TRDN: variants seen among roughly 807,000 people sequenced by gnomAD.
TRDN encodes triadin.
In TRDN, 161 loss-of-function variants were observed where a neutral mutation model predicts 149.7. That is an observed-to-expected ratio of 1.08 (90% CI 0.95 to 1.23). TRDN has a LOEUF of 1.23. Among genes scored for constraint, TRDN ranks in the 50% most tolerant of loss-of-function variants. TRDN has a pLI of 0.00. For synonymous variants in TRDN, 294 were observed against 250.5 expected, an observed-to-expected ratio of 1.17 and a Z score of -1.64; for missense variants, 896 against 823.5, an observed-to-expected ratio of 1.09 and a Z score of -1.08.
intron 38 of TRDN, among the ~76,000 whole-genome samples, chr6:123,236,764 T>C (rs1216783520): frequency 1.3e-5 from 2 of 152,152 alleles, no homozygotes; most frequent in Non-Finnish European, 2.9e-5. Context: ...TGTGGGTCTA[T>C]TTCTTGGATT....
At chr6:123,414,282 C>T (rs1773561513) in intron 12 of TRDN, among the ~76,000 whole-genome samples, 1 of 151,986 alleles carries the variant, frequency 6.6e-6, no homozygotes, top group African/African-American at 2.4e-5. Context: ...ATTCTAGAAA[C>T]CACTGAAATG....
intron 1 of TRDN, among the ~76,000 whole-genome samples, chr6:123,613,568 T>C (rs1000367820): frequency 6.6e-5 from 10 of 152,152 alleles, no homozygotes; most frequent in African/African-American, 9.6e-5. Context: ...CAGTGCCTTG[T>C]AGAGAGAAAT....
At chr6:123,615,323 G>GT (rs572467708) in intron 1 of TRDN, among the ~76,000 whole-genome samples, 19 of 152,084 alleles carry the variant, frequency 1.2e-4, no homozygotes, top group Non-Finnish European at 2.5e-4. Flanking sequence ...ATTGAAATCA[G>GT]TATGTTGAAG....
At chr6:123,628,876 A>G (rs1414178537) in intron 1 of TRDN, among the ~76,000 whole-genome samples, 13 of 152,106 alleles carry the variant, frequency 8.5e-5, no homozygotes, top group Non-Finnish European at 2.9e-5. Context: ...TCATAAATCT[A>G]CATCTAGGAT....
At chr6:123,551,998 T>C (rs1273787151) in intron 2 of TRDN, among the ~76,000 whole-genome samples, 1 of 151,994 alleles carries the variant, frequency 6.6e-6, no homozygotes, top group Non-Finnish European at 1.5e-5. Flanking sequence ...TAGCTGGCTC[T>C]CTGAGAAAGG....
chr6:123,267,646 T>G, intron 32 of TRDN, 61 bp downstream of exon 32: 1 of 1,216,148 alleles, frequency 8.2e-7, no homozygotes, highest in Non-Finnish European at 1.1e-6. Flanking sequence ...TTACTTTAAT[T>G]TTTGAATATA....
intron 1 of TRDN, among the ~76,000 whole-genome samples, chr6:123,584,958 A>C (rs974308263): frequency 2.6e-5 from 4 of 152,184 alleles, no homozygotes; most frequent in Admixed American, 6.5e-5. Flanking sequence ...AGGAGAGTTT[A>C]TAGGCTTTAA....
At chr6:123,414,906 C>G (rs1207334204) in intron 12 of TRDN, among the ~76,000 whole-genome samples, 1 of 151,968 alleles carries the variant, frequency 6.6e-6, no homozygotes, top group African/African-American at 2.4e-5. Context: ...TATACAGAAA[C>G]TTTAACATAT....
At chr6:123,594,218 T>G (rs1783922531) in intron 1 of TRDN, among the ~76,000 whole-genome samples, 3 of 152,170 alleles carry the variant, frequency 2.0e-5, no homozygotes, top group African/African-American at 4.8e-5. Context: ...GTCCAAATTA[T>G]TCATTTTTTC....
At chr6:123,325,351 C>T (rs569729204) in intron 23 of TRDN, among the ~76,000 whole-genome samples, 1 of 151,884 alleles carries the variant, frequency 6.6e-6, no homozygotes, top group African/African-American at 2.4e-5. Context: ...GACTAGGCAC[C>T]AAGAAACTCA....
intron 2 of TRDN, among the ~76,000 whole-genome samples, chr6:123,566,485 C>T (rs2114520079): frequency 6.6e-6 from 1 of 152,266 alleles, no homozygotes; most frequent in East Asian, 1.9e-4. Flanking sequence ...CTTCTCAATC[C>T]AGTACAGTAT....
At chr6:123,253,405 A>G (rs899100213) in intron 37 of TRDN, among the ~76,000 whole-genome samples, 8 of 152,120 alleles carry the variant, frequency 5.3e-5, no homozygotes, top group Admixed American at 1.3e-4. Context: ...TTAAAATTTT[A>G]TAAAAATTAG....
At chr6:123,373,917 T>G (rs1781414378) in intron 19 of TRDN, among the ~76,000 whole-genome samples, 2 of 152,200 alleles carry the variant, frequency 1.3e-5, no homozygotes, top group South Asian at 4.1e-4. Flanking sequence ...AGGCATTAAC[T>G]TTATAAGTAG....
At chr6:123,606,555 G>T (rs996806242) in intron 1 of TRDN, among the ~76,000 whole-genome samples, 4 of 151,792 alleles carry the variant, frequency 2.6e-5, no homozygotes, top group Non-Finnish European at 5.9e-5. Flanking sequence ...CACTTTTATT[G>T]TTTTATTTTT....
intron 23 of TRDN, among the ~76,000 whole-genome samples, chr6:123,329,601 G>A (rs1253846777): frequency 6.6e-6 from 1 of 152,006 alleles, no homozygotes; most frequent in African/African-American, 2.4e-5. Context: ...AAATCTCCAG[G>A]AGTTGTCATT....
chr6:123,343,419 T>C (rs895068841), intron 21 of TRDN, among the ~76,000 whole-genome samples: 2 of 151,938 alleles, frequency 1.3e-5, no homozygotes, highest in Admixed American at 6.6e-5. Flanking sequence ...ATCATTCTCA[T>C]TATAGTGTAA....
At chr6:123,373,174 T>C (rs1781383834) in intron 19 of TRDN, among the ~76,000 whole-genome samples, 1 of 152,158 alleles carries the variant, frequency 6.6e-6, no homozygotes, top group South Asian at 2.1e-4. Context: ...TTCCCACACG[T>C]TGTGGAAGGG....
rs140768114 is a variant in TRDN, at chr6:123,559,967, A to C, written c.232+10956T>G. On this transcript the variant is annotated intron_variant, in intron 2 of 40. Coordinates refer to ENST00000334268, the MANE Select transcript of TRDN (RefSeq NM_006073.4). ...CCCTGACACCCATCAGGCTCAGCGA[A>C]TTACCTGGGCTGTACTGCCACAAGG... is the stretch of plus-strand genomic sequence containing the variant. Among the ~76,000 whole-genome samples, 4 of 152,212 alleles carry C rather than the reference A, an allele frequency of 2.6e-5. No individual in the cohort carries two copies. In the South Asian group the frequency reaches 6.2e-4, roughly 24 times the overall value.
intron 31 of TRDN, 96 bp from the exon 32 acceptor site, chr6:123,267,847 A>G (rs1310994861): frequency 6.9e-6 from 6 of 865,914 alleles, no homozygotes; most frequent in Non-Finnish European, 8.5e-6. Flanking sequence ...TTTACCCAAG[A>G]GGCATGCCCC....
Sources: allele counts gnomAD v4.1 joint callset (sites outside exome capture counted in the v4.1 genomes callset), GRCh38; gene constraint gnomAD v4.1.1; transcripts MANE v1.5; gene names NCBI Gene and HGNC (gene_info 2026-07-23, HGNC 2026-07-21).